Variants in RNF185 observed in about 807,000 individuals in gnomAD.
RNF185 encodes E3 ubiquitin-protein ligase RNF185.
Under a neutral mutation model 24.9 loss-of-function variants are expected in RNF185, and 13 were observed. The observed-to-expected ratio is 0.52, with a 90% CI of 0.34 to 0.83. RNF185 has a LOEUF of 0.83. Ranked by LOEUF, RNF185 falls within the 40% of genes least tolerant of loss-of-function variation. The pLI is 0.01. For synonymous variants in RNF185, 79 were observed against 90.3 expected (o/e 0.88, Z 0.71); for missense variants, 184 against 244.7 (o/e 0.75, Z 1.65).
intron 5 of RNF185, among the ~76,000 whole-genome samples, chr22:31,198,274 T>C (rs2048225785): frequency 6.6e-6 from 1 of 152,206 alleles, no homozygotes; most frequent in Non-Finnish European, 1.5e-5. Flanking sequence ...TTTTCCATGC[T>C]ATTGCTGGGA....
chr22:31,200,822 A>G (rs528812621), intron 5 of RNF185, among the ~76,000 whole-genome samples: 2 of 152,354 alleles, frequency 1.3e-5, no homozygotes, highest in South Asian at 4.1e-4. Context: ...AGAAAACATT[A>G]TAGTGTTTTA....
intron 1 of RNF185, among the ~76,000 whole-genome samples, chr22:31,179,362 G>A (rs2048012804): frequency 6.6e-6 from 1 of 152,168 alleles, no homozygotes; most frequent in Admixed American, 6.5e-5. Context: ...GCTGATTTCT[G>A]CCATGCCACC....
chr22:31,167,560 G>GA (rs902278433), intron 1 of RNF185, among the ~76,000 whole-genome samples: 4 of 147,604 alleles, frequency 2.7e-5, no homozygotes, highest in African/African-American at 1.0e-4. Flanking sequence ...ATTCTAATAA[G>GA]AAAATCACAC....
intron 2 of RNF185, among the ~76,000 whole-genome samples, chr22:31,189,390 C>T (rs1283254406): frequency 7.3e-6 from 1 of 136,680 alleles, no homozygotes; most frequent in Non-Finnish European, 1.5e-5. Context: ...CTCCTGGGCT[C>T]AAGTGGTTCT....
At chr22:31,193,931 C>A (rs1601370569) in intron 3 of RNF185, among the ~76,000 whole-genome samples, 1 of 144,998 alleles carries the variant, frequency 6.9e-6, no homozygotes, top group Non-Finnish European at 1.5e-5. Context: ...CTCATTCTGT[C>A]GCCCAGGCTA....
At chr22:31,169,797 C>T (rs1357402416) in intron 1 of RNF185, among the ~76,000 whole-genome samples, 1 of 152,188 alleles carries the variant, frequency 6.6e-6, no homozygotes, top group Non-Finnish European at 1.5e-5. Flanking sequence ...ATCTGCCTGC[C>T]TCCACCTTCC....
chr22:31,178,829 C>G (rs959541618), intron 1 of RNF185, among the ~76,000 whole-genome samples: 1 of 152,110 alleles, frequency 6.6e-6, no homozygotes, highest in African/African-American at 2.4e-5. Flanking sequence ...ACAAAAGTTA[C>G]AACATTGCAC....
intron 1 of RNF185, among the ~76,000 whole-genome samples, chr22:31,175,982 C>T (rs1488704759): frequency 6.6e-6 from 1 of 151,960 alleles, no homozygotes; most frequent in Non-Finnish European, 1.5e-5. Flanking sequence ...AGGCTGGTCT[C>T]GAACTCCTGG....
At chr22:31,166,521 A>G (rs1255660050) in intron 1 of RNF185, among the ~76,000 whole-genome samples, 3 of 151,886 alleles carry the variant, frequency 2.0e-5, no homozygotes, top group Admixed American at 6.6e-5. Context: ...CTTTAATTTT[A>G]ATGTCTCCAT....
rs1037922653 is a variant in RNF185, at chr22:31,176,650, G to A, written c.-48-10397G>A. 1.6e-4 allele frequency among the ~76,000 whole-genome samples: 24 copies of A among 151,636 alleles called. 1 individual carries two copies. The highest frequency in any genetic ancestry group is 1.5e-3 in the South Asian group (7 of 4,786). On this transcript the variant is annotated intron_variant, in intron 1 of 6. Transcript: ENST00000326132. ...ACTACAGGTGCCCGCCACCATGCCC[G>A]GCTAATTTTTTGTATTTTTAGTAGA...
intron 3 of RNF185, among the ~76,000 whole-genome samples, chr22:31,193,988 G>C (rs980631287): frequency 1.5e-4 from 23 of 150,454 alleles, no homozygotes; most frequent in African/African-American, 5.6e-4. Flanking sequence ...CGCCTCCCGG[G>C]TTCAAGCGAT....
At chr22:31,201,792 A>G (rs1286536166) in intron 6 of RNF185, among the ~76,000 whole-genome samples, 177 bp downstream of exon 6, 1 of 152,180 alleles carries the variant, frequency 6.6e-6, no homozygotes, top group East Asian at 1.9e-4. Flanking sequence ...AATGCTGAGC[A>G]CTTACCAACT....
intron 1 of RNF185, among the ~76,000 whole-genome samples, chr22:31,165,460 G>C (rs956738929): frequency 6.6e-6 from 1 of 152,122 alleles, no homozygotes; most frequent in Non-Finnish European, 1.5e-5. Context: ...ATTTGTTATC[G>C]TGTACAATTT....
chr22:31,173,167 G>A (rs540190094), intron 1 of RNF185, among the ~76,000 whole-genome samples: 3 of 151,794 alleles, frequency 2.0e-5, no homozygotes, highest in African/African-American at 7.3e-5. Flanking sequence ...TTAATAGGGA[G>A]AAATTTGAGA....
Position 31,199,026 on chromosome 22 carries a change from G to A in RNF185, c.363+2036G>A, listed in dbSNP as rs1323689733. Among the ~76,000 whole-genome samples, 9 of 151,300 alleles carry A rather than the reference G, an allele frequency of 5.9e-5. No homozygotes were observed. In the East Asian group the frequency reaches 1.8e-3, roughly 30 times the overall value. On this transcript the variant is annotated intron_variant, in intron 5 of 6. Transcript: ENST00000326132. ...GAAACAGGAGAATCACTTGAACTCG[G>A]GAGGCAGAGGTTGCAGTGAGCTGAG...
At chr22:31,199,059 C>A (rs1311733350) in intron 5 of RNF185, among the ~76,000 whole-genome samples, 1 of 149,796 alleles carries the variant, frequency 6.7e-6, no homozygotes, top group African/African-American at 2.4e-5. Context: ...GAGATCACAC[C>A]ACTGCACTCC....
rs1233204328 is a variant in RNF185, at chr22:31,206,157, A to G, written c.*1571A>G. ...TCAATTATGACTGCATAGTTTATGG[A>G]AACAAAGATCTTGAGGAAGATGAGG... On this transcript the variant is annotated 3_prime_UTR_variant, in exon 7 of 7. Transcript: ENST00000326132. The G allele has an allele frequency of 6.5e-6, 1 of 153,206 alleles. No homozygotes were observed. The highest frequency in any genetic ancestry group is 2.4e-5 in the African/African-American group (1 of 41,408). 9.5% of individuals were successfully genotyped at this position (153,206 alleles called of 1,614,324 possible). A position where few individuals can be genotyped will look rare whatever the true frequency, so the allele number is the denominator to read the frequency against.
chr22:31,168,879 A>C (rs1924102893), intron 1 of RNF185, among the ~76,000 whole-genome samples: 1 of 151,996 alleles, frequency 6.6e-6, no homozygotes, highest in Non-Finnish European at 1.5e-5. Context: ...TCTCTATTCA[A>C]GTCCTTTGCC....
Position 31,166,636 on chromosome 22 carries a change from T to TTCTTCC in RNF185, c.-49+6351_-49+6356dup, listed in dbSNP as rs1002206788. 4.2e-3 allele frequency among the ~76,000 whole-genome samples: 637 copies of TTCTTCC among 150,214 alleles called. 5 individuals carry two copies. The highest frequency in any genetic ancestry group is 0.015 in the African/African-American group (596 of 40,890). ...CTCCTCCTCCTCCTTCTTCTTCTTC[T>TTCTTCC]TCTTCCTCTTCCTCTTCCTCTTCTT... is the stretch of plus-strand genomic sequence containing the variant. On this transcript the variant is annotated intron_variant, in intron 1 of 6. Transcript: ENST00000326132.
Sources: gnomAD v4.1 joint callset for allele counts (sites outside exome capture counted in the v4.1 genomes callset) on GRCh38, gnomAD v4.1.1 for gene constraint, MANE v1.5 for transcripts, NCBI Gene and HGNC (gene_info 2026-07-23, HGNC 2026-07-21) for gene names.